The following DDX6 variants were observed in gnomAD, a reference collection of about 807,000 sequenced individuals.
The protein encoded by DDX6 is probable ATP-dependent RNA helicase DDX6.
In DDX6, 7 loss-of-function variants were observed where a neutral mutation model predicts 60.6. The observed-to-expected ratio is 0.12, with a 90% confidence interval of 0.07 to 0.22. The LOEUF (loss-of-function observed/expected upper bound fraction) is 0.22, where lower values mean the gene tolerates loss of function less well. Among genes scored for constraint, DDX6 ranks in the 10% least tolerant of loss-of-function variants. The pLI, the probability that DDX6 is intolerant of heterozygous loss-of-function variation, is 1.00. For missense variants in DDX6, 270 were observed against 589.9 expected (o/e 0.46, Z 5.62); for synonymous variants, 207 against 201.0 (o/e 1.03, Z -0.25).
At position 118,765,197 on chromosome 11, in the gene DDX6, A is replaced by G. The variant is rs542901431; in HGVS notation, c.646+12T>C. The G allele has an allele frequency of 1.2e-4, 192 of 1,611,836 alleles. 2 individuals are homozygous for G. In the South Asian group the frequency reaches 2.0e-3, roughly 17 times the overall value. The stretch of plus-strand genomic sequence containing the variant: ...CAGAGAGCTACACTACCTTTTAGTA[A>G]TCATTTCTTACCTGTATCATCAAGC... On this transcript the variant is annotated intron_variant, in intron 6 of 13. Coordinates refer to ENST00000534980, the MANE Select transcript of DDX6 (RefSeq NM_004397.6).
intron 2 of DDX6, among the ~76,000 whole-genome samples, 152 bp from the exon 3 acceptor site, chr11:118,781,336 A>G (rs1861892933): frequency 6.6e-6 from 1 of 152,168 alleles, no homozygotes; most frequent in Non-Finnish European, 1.5e-5. Flanking sequence ...AACTTTAGAA[A>G]AAGTGTTCTT....
intron 2 of DDX6, among the ~76,000 whole-genome samples, chr11:118,782,679 T>C (rs964401169): frequency 7.3e-5 from 11 of 151,108 alleles, no homozygotes; most frequent in Middle Eastern, 3.4e-3. Context: ...AGTCTTGCTA[T>C]GTCACCCAGG....
At chr11:118,782,034 G>A (rs1278296432) in intron 2 of DDX6, among the ~76,000 whole-genome samples, 1 of 151,914 alleles carries the variant, frequency 6.6e-6, no homozygotes, top group African/African-American at 2.4e-5. Flanking sequence ...CCAATACGGT[G>A]AAACCCACTC....
chr11:118,748,489 T>TTTGA lies in DDX6; in HGVS notation c.*3612_*3615dup, dbSNP rs1298751815. ...CTTCAGCTCTCATGAGGCCAATAAT[T>TTTGA]TTGATAAAGGTATCTGGCAGGAAAA... On this transcript the variant is annotated 3_prime_UTR_variant, in exon 14 of 14. Transcript: ENST00000534980. The TTTGA allele has an allele frequency of 6.6e-6, 1 of 152,126 alleles. No individual in the cohort carries two copies. The allele number at this position is 152,126 out of a possible 1,614,324, so 9.4% of individuals were successfully genotyped here.
At chr11:118,776,069 A>G (rs1861689999) in intron 4 of DDX6, among the ~76,000 whole-genome samples, 1 of 152,218 alleles carries the variant, frequency 6.6e-6, no homozygotes, top group South Asian at 2.1e-4. Context: ...ACGTGAGCCC[A>G]GGAGTTTGAG....
chr11:118,779,580 G>A, intron 4 of DDX6, 52 bp downstream of exon 4: 1 of 1,233,838 alleles, frequency 8.1e-7, no homozygotes, highest in Non-Finnish European at 1.2e-6. Context: ...AAAGAAAACT[G>A]TTTAATGGTT....
At position 118,779,742 on chromosome 11, in the gene DDX6, CA is replaced by C; in HGVS notation, c.265-7del. On this transcript the variant is annotated splice_polypyrimidine_tract_variant and splice_region_variant and intron_variant, in intron 3 of 13. Coordinates refer to ENST00000534980, the MANE Select transcript of DDX6 (RefSeq NM_004397.6). ...CCTTTTGTGGAGGTCACATCCTAGT[CA>C]AACAAAAAGGAACAATAAAAGAATA... The C allele has an allele frequency of 6.3e-7, 1 of 1,580,730 alleles. No homozygotes were observed. Among genetic ancestry groups the C allele is most frequent in the Non-Finnish European group, 8.6e-7 (1 of 1,158,784 alleles).
At chr11:118,753,133 A>T (rs1860836790) in intron 13 of DDX6, among the ~76,000 whole-genome samples, 1 of 151,926 alleles carries the variant, frequency 6.6e-6, no homozygotes, top group African/African-American at 2.4e-5. Flanking sequence ...GGTTCAAGAG[A>T]TTCTCCTGCC....
rs549675977 is a variant in DDX6, at chr11:118,762,000, C to T, written c.741+1212G>A. Reference sequence around the variant, plus strand: ...TACCTAAAACACAAACCAGGCCGGGCGTGGTGGCTCATGCCTGTAATCCCA... The same window carrying T: ...TACCTAAAACACAAACCAGGCCGGGTGTGGTGGCTCATGCCTGTAATCCCA... On this transcript the variant is annotated intron_variant, in intron 7 of 13. Coordinates refer to ENST00000534980, the MANE Select transcript of DDX6 (RefSeq NM_004397.6). Among the ~76,000 whole-genome samples, 11 of 151,960 alleles carry T rather than the reference C, an allele frequency of 7.2e-5. No homozygotes were observed. In the Middle Eastern group the frequency reaches 0.01, roughly 141 times the overall value.
intron 2 of DDX6, among the ~76,000 whole-genome samples, chr11:118,785,359 G>A (rs1299782425): frequency 6.6e-6 from 1 of 151,750 alleles, no homozygotes; most frequent in Non-Finnish European, 1.5e-5. Flanking sequence ...GTAAAAGGAG[G>A]AAAAAAATTA....
At chr11:118,790,594 TGCC>T (rs1050722762) in intron 1 of DDX6, among the ~76,000 whole-genome samples, 3 of 152,030 alleles carry the variant, frequency 2.0e-5, no homozygotes, top group African/African-American at 2.4e-5. Flanking sequence ...CCTAAGTCCT[TGCC>T]GCCCCCTTCG....
At chr11:118,775,761 C>T (rs1336861108) in intron 4 of DDX6, among the ~76,000 whole-genome samples, 2 of 152,160 alleles carry the variant, frequency 1.3e-5, no homozygotes, top group Non-Finnish European at 2.9e-5. Flanking sequence ...TATAACAACA[C>T]TCAGAGTACA....
chr11:118,788,990 C>T (rs570352513), intron 1 of DDX6: 1 of 151,678 alleles, frequency 6.6e-6, no homozygotes, highest in African/African-American at 2.4e-5. Flanking sequence ...TGAAATCTTA[C>T]TTTTAATTGG....
chr11:118,760,790 C>A (rs1555159980), intron 7 of DDX6, among the ~76,000 whole-genome samples: 1 of 137,400 alleles, frequency 7.3e-6, no homozygotes, highest in East Asian at 2.2e-4. Flanking sequence ...CACTGCACTC[C>A]AGCCTAGGCG....
At chr11:118,752,556 T>C (rs528342019) in intron 13 of DDX6, among the ~76,000 whole-genome samples, 1 of 152,256 alleles carries the variant, frequency 6.6e-6, no homozygotes, top group Admixed American at 6.5e-5. Context: ...GCGGATCACC[T>C]GAGGTCAGGA....
intron 4 of DDX6, among the ~76,000 whole-genome samples, chr11:118,777,181 A>G (rs782098403): frequency 8.6e-5 from 13 of 152,026 alleles, no homozygotes; most frequent in Non-Finnish European, 1.6e-4. Flanking sequence ...CAGCAACCAT[A>G]TATCTGTCTT....
chr11:118,772,746 A>C (rs920040802), intron 4 of DDX6, among the ~76,000 whole-genome samples: 1 of 152,218 alleles, frequency 6.6e-6, no homozygotes, highest in Non-Finnish European at 1.5e-5. Flanking sequence ...CATTCACTGT[A>C]ACGTTTAGAT....
intron 2 of DDX6, among the ~76,000 whole-genome samples, chr11:118,781,998 AG>A (rs1453427984): frequency 1.3e-5 from 2 of 152,032 alleles, no homozygotes; most frequent in Non-Finnish European, 2.9e-5. Context: ...GGATCACCTG[AG>A]GTCAGGAGTT....
chr11:118,772,748 C>T (rs1861575208), intron 4 of DDX6, among the ~76,000 whole-genome samples: 2 of 152,178 alleles, frequency 1.3e-5, no homozygotes, highest in South Asian at 2.1e-4. Flanking sequence ...TTCACTGTAA[C>T]GTTTAGATAA....
Sources: gnomAD v4.1 joint callset for allele counts (sites outside exome capture counted in the v4.1 genomes callset) on GRCh38, gnomAD v4.1.1 for gene constraint, MANE v1.5 for transcripts, NCBI Gene and HGNC (gene_info 2026-07-23, HGNC 2026-07-21) for gene names.